The following PTDSS1 variants were observed in gnomAD, a reference collection of about 807,000 sequenced individuals.
PTDSS1 encodes phosphatidylserine synthase 1.
A neutral mutation model predicts 70.5 loss-of-function variants in PTDSS1; 45 were observed. That is an observed-to-expected ratio of 0.64 (90% confidence interval 0.50 to 0.82). The LOEUF is 0.82. Ranked by LOEUF, PTDSS1 falls within the 40% of genes least tolerant of loss-of-function variation. The probability of loss-of-function intolerance (pLI) is 0.00; values close to 1 mark genes in which losing one functional copy is unlikely to be tolerated. For synonymous variants in PTDSS1, 188 were observed against 203.8 expected, an observed-to-expected ratio of 0.92 and a Z score of 0.66; for missense variants, 417 against 586.1, an observed-to-expected ratio of 0.71 and a Z score of 2.98.
chr8:96,323,916 C>A (rs1237543978), intron 10 of PTDSS1, among the ~76,000 whole-genome samples: 2 of 152,186 alleles, frequency 1.3e-5, no homozygotes, highest in East Asian at 1.9e-4. Flanking sequence ...GTCTTTAAGT[C>A]ATTTCCTTCC....
chr8:96,303,188 T>A (rs2130105791), intron 6 of PTDSS1, among the ~76,000 whole-genome samples: 1 of 152,342 alleles, frequency 6.6e-6, no homozygotes, highest in South Asian at 2.1e-4. Context: ...ACAGTACAAG[T>A]CTTTTGTAGT....
chr8:96,319,416 A>G (rs914041518), intron 9 of PTDSS1, among the ~76,000 whole-genome samples: 5 of 152,190 alleles, frequency 3.3e-5, no homozygotes, highest in South Asian at 2.1e-4. Flanking sequence ...CCTGATTTTT[A>G]TAGTCATAAA....
At chr8:96,264,824 TAGA>T (rs1355020976) in intron 1 of PTDSS1, among the ~76,000 whole-genome samples, 2 of 152,184 alleles carry the variant, frequency 1.3e-5, no homozygotes, top group African/African-American at 2.4e-5. Context: ...TCCAAAATAA[TAGA>T]AGAACCATAA....
At chr8:96,286,931 GT>G in intron 3 of PTDSS1, 90 bp from the exon 4 acceptor site, 4 of 1,504,746 alleles carry the variant, frequency 2.7e-6, no homozygotes, top group Non-Finnish European at 2.7e-6. Flanking sequence ...TTAGTGTCTG[GT>G]TTTGGCAATG....
At chr8:96,267,353 G>T (rs1327793701) in intron 1 of PTDSS1, among the ~76,000 whole-genome samples, 1 of 152,088 alleles carries the variant, frequency 6.6e-6, no homozygotes, top group African/African-American at 2.4e-5. Flanking sequence ...TCTTCAGCAG[G>T]TCTGATTGGG....
intron 2 of PTDSS1, among the ~76,000 whole-genome samples, chr8:96,275,698 C>T (rs1810631350): frequency 6.6e-6 from 1 of 152,184 alleles, no homozygotes; most frequent in South Asian, 2.1e-4. Context: ...TCTCAGGTTA[C>T]ATACCAACGC....
intron 6 of PTDSS1, among the ~76,000 whole-genome samples, chr8:96,302,698 C>T (rs551342404): frequency 6.6e-5 from 10 of 152,274 alleles, no homozygotes; most frequent in African/African-American, 2.4e-4. Flanking sequence ...TCTCCTGCCT[C>T]AGCCTCCCAA....
chr8:96,325,488 C>G (rs1586210467), intron 10 of PTDSS1, among the ~76,000 whole-genome samples: 1 of 152,154 alleles, frequency 6.6e-6, no homozygotes, highest in East Asian at 1.9e-4. Flanking sequence ...CCCCAGCCCC[C>G]CAGGCCCCAG....
At chr8:96,287,850 C>T (rs907313246) in intron 4 of PTDSS1, among the ~76,000 whole-genome samples, 2 of 152,178 alleles carry the variant, frequency 1.3e-5, no homozygotes, top group African/African-American at 2.4e-5. Context: ...TCTTCACTGA[C>T]GGTGAACACT....
intron 2 of PTDSS1, among the ~76,000 whole-genome samples, chr8:96,281,010 G>T (rs925339187): frequency 1.3e-5 from 2 of 152,154 alleles, no homozygotes; most frequent in Admixed American, 1.3e-4. Context: ...CTCATGCCGG[G>T]CAGGTGATGC....
chr8:96,299,568 A>G, intron 5 of PTDSS1, 126 bp from the exon 6 acceptor site: 1 of 1,064,292 alleles, frequency 9.4e-7, no homozygotes, highest in Non-Finnish European at 1.3e-6. Flanking sequence ...TTTTCTGTAC[A>G]TTAGGAAAAA....
chr8:96,323,258 G>C (rs774639615), intron 10 of PTDSS1, among the ~76,000 whole-genome samples: 4 of 152,218 alleles, frequency 2.6e-5, no homozygotes, highest in Non-Finnish European at 4.4e-5. Context: ...TGGTGTTGGG[G>C]ATGACCCTGC....
rs1438068375 is a variant in PTDSS1, at chr8:96,274,778, C to A, written c.271+1388C>A. Among the ~76,000 whole-genome samples, 5 of 152,270 alleles carry A rather than the reference C, an allele frequency of 3.3e-5. No homozygotes were observed. The South Asian group carries it at 8.3e-4, about 25-fold the overall frequency. ...TTTTCCATCGTAGTTAGGAGCGTCA[C>A]TCTGGAGGCAGACTCATACGTAGCA... On this transcript the variant is annotated intron_variant, in intron 2 of 12. Coordinates refer to ENST00000517309, the MANE Select transcript of PTDSS1 (RefSeq NM_014754.3).
At chr8:96,319,424 A>T (rs957774494) in intron 9 of PTDSS1, among the ~76,000 whole-genome samples, 5 of 152,156 alleles carry the variant, frequency 3.3e-5, no homozygotes, top group Non-Finnish European at 7.3e-5. Flanking sequence ...TTATAGTCAT[A>T]AATGAAGATA....
intron 2 of PTDSS1, among the ~76,000 whole-genome samples, chr8:96,282,211 C>T (rs536362917): frequency 6.6e-6 from 1 of 152,144 alleles, no homozygotes; most frequent in Non-Finnish European, 1.5e-5. Context: ...CTTATGGTGA[C>T]AAGTCAAGAG....
At chr8:96,328,095 G>C (rs1427679760) in intron 10 of PTDSS1, among the ~76,000 whole-genome samples, 1 of 152,142 alleles carries the variant, frequency 6.6e-6, no homozygotes, top group Non-Finnish European at 1.5e-5. Context: ...TTTGCCGCTG[G>C]AGGGAGCGGC....
chr8:96,266,218 C>A (rs967450543), intron 1 of PTDSS1, among the ~76,000 whole-genome samples: 2 of 152,204 alleles, frequency 1.3e-5, no homozygotes, highest in Non-Finnish European at 2.9e-5. Flanking sequence ...GTAGAATCAG[C>A]CTTTGTTAGC....
chr8:96,264,179 A>G (rs1035303745), intron 1 of PTDSS1, among the ~76,000 whole-genome samples: 2 of 152,200 alleles, frequency 1.3e-5, no homozygotes, highest in South Asian at 4.1e-4. Context: ...GCCTGATTTT[A>G]TCACTTAATA....
chr8:96,307,965 A>G (rs1403174813), intron 8 of PTDSS1, among the ~76,000 whole-genome samples: 1 of 152,236 alleles, frequency 6.6e-6, no homozygotes, highest in Admixed American at 6.5e-5. Context: ...TGTTTAAAAA[A>G]TCAGACACTT....
Sources: gnomAD v4.1 joint callset for allele counts (sites outside exome capture counted in the v4.1 genomes callset) on GRCh38, gnomAD v4.1.1 for gene constraint, MANE v1.5 for transcripts, NCBI Gene and HGNC (gene_info 2026-07-23, HGNC 2026-07-21) for gene names.